ERCC6: variants seen among roughly 807,000 people sequenced by gnomAD.
ERCC6 encodes the protein ERCC excision repair 6, chromatin remodeling factor.
ERCC6 carries 116 observed loss-of-function variants against 158.7 expected under a neutral mutation model. That is an observed-to-expected ratio of 0.73 (90% CI 0.63 to 0.85). ERCC6 has a LOEUF of 0.85. ERCC6 is among the 40% of genes least tolerant of loss of function. ERCC6 has a pLI of 0.00. For synonymous variants in ERCC6, 678 were observed against 659.3 expected, an observed-to-expected ratio of 1.03 and a Z score of -0.43; for missense variants, 1,698 against 1,799.4, an observed-to-expected ratio of 0.94 and a Z score of 1.02.
chr10:49,486,221 G>A (rs1246960879), intron 8 of ERCC6, among the ~76,000 whole-genome samples: 1 of 152,162 alleles, frequency 6.6e-6, no homozygotes, highest in Non-Finnish European at 1.5e-5. Context: ...GCCTCTCTGA[G>A]AGAAAGTCAG....
At chr10:49,467,161 TG>T (rs747193669) in intron 18 of ERCC6, among the ~76,000 whole-genome samples, 7 of 152,228 alleles carry the variant, frequency 4.6e-5, no homozygotes, top group Non-Finnish European at 7.3e-5. Flanking sequence ...TCTACATTTT[TG>T]GCTATTACTA....
At chr10:49,515,135 C>A in intron 5 of ERCC6, 1 of 1,257,544 alleles carries the variant, frequency 8.0e-7, no homozygotes, top group Admixed American at 3.7e-5. Context: ...TCTGAGGTTA[C>A]AATTTTTTGA....
intron 5 of ERCC6, among the ~76,000 whole-genome samples, chr10:49,523,230 T>A (rs1837218310): frequency 6.6e-6 from 1 of 152,172 alleles, no homozygotes; most frequent in Non-Finnish European, 1.5e-5. Flanking sequence ...GAGCTCTAAG[T>A]CAAGGAGACT....
chr10:49,538,113 GCCTAAGTCTTGCAGAGT>G (rs1837645488), intron 1 of ERCC6, among the ~76,000 whole-genome samples: 1 of 152,206 alleles, frequency 6.6e-6, no homozygotes, highest in African/African-American at 2.4e-5. Flanking sequence ...TCCGTTCATG[GCCTAAGTCTTGCAGAGT>G]ATCTTCTAAG....
chr10:49,441,359 C>T, the ERCC6 span, among the ~76,000 whole-genome samples: 10 of 152,304 alleles, frequency 6.6e-5, 1 homozygote, highest in South Asian at 2.1e-3. Context: ...CCGAGGAAAA[C>T]CCTGGCTGCC....
chr10:49,524,037 A>G lies in ERCC6; in HGVS notation c.1393T>C (p.Leu465=). 6.2e-7 allele frequency: 1 copy of G among 1,613,014 alleles called. No individual in the cohort carries two copies. Among genetic ancestry groups the G allele is most frequent in the East Asian group, 2.2e-5 (1 of 44,868 alleles). ...TTATAATCCCCACAGACCGACCTTA[A>G]CCGCTGCTTATAATAATCTTCATCT... is the stretch of plus-strand genomic sequence containing the variant. ...DGDEDYYKQR[L]RRWNKLRLQD... Residue 465 remains leucine (L), a synonymous_variant, in exon 5 of 21, where the codon TTA becomes CTA. Coordinates refer to ENST00000355832, the MANE Select transcript of ERCC6 (RefSeq NM_000124.4).
At chr10:49,538,502 A>T (rs912984470) in intron 1 of ERCC6, among the ~76,000 whole-genome samples, 1 of 152,214 alleles carries the variant, frequency 6.6e-6, no homozygotes, top group African/African-American at 2.4e-5. Flanking sequence ...GACAGCAGTT[A>T]AGACGCTGCG....
At chr10:49,510,945 C>CA (rs1311362249) in intron 5 of ERCC6, among the ~76,000 whole-genome samples, 2 of 145,242 alleles carry the variant, frequency 1.4e-5, no homozygotes, top group Non-Finnish European at 3.0e-5. Flanking sequence ...AGGTTCGCTA[C>CA]AAAAAAATGA....
intron 18 of ERCC6, among the ~76,000 whole-genome samples, chr10:49,462,429 A>G (rs1850599732): frequency 1.3e-5 from 2 of 152,194 alleles, no homozygotes; most frequent in East Asian, 1.9e-4. Flanking sequence ...ATGGCGAATT[A>G]TCATATGATC....
At chr10:49,509,150 T>C (rs1851494467) in intron 5 of ERCC6, among the ~76,000 whole-genome samples, 1 of 152,094 alleles carries the variant, frequency 6.6e-6, no homozygotes, top group Non-Finnish European at 1.5e-5. Context: ...TTTCCTCCAC[T>C]GAGATGGGGA....
chr10:49,501,575 G>C (rs4253114), intron 6 of ERCC6: 1 of 151,960 alleles, frequency 6.6e-6, no homozygotes, highest in Non-Finnish European at 1.5e-5. Context: ...AAAAATTTTC[G>C]GAGAGTGGAA....
intron 5 of ERCC6, among the ~76,000 whole-genome samples, chr10:49,523,657 AC>A (rs1837230481): frequency 6.6e-6 from 1 of 151,852 alleles, no homozygotes; most frequent in African/African-American, 2.4e-5. Context: ...GAAAACAGAA[AC>A]CCCTATCCAG....
intron 20 of ERCC6, 144 bp downstream of exon 20, chr10:49,460,229 C>G (rs538728187): frequency 7.1e-6 from 5 of 701,172 alleles, no homozygotes; most frequent in East Asian, 5.3e-5. Context: ...GAATGTGCAT[C>G]GTAAATCAGA....
At chr10:49,517,325 T>C (rs1319664514) in intron 5 of ERCC6, among the ~76,000 whole-genome samples, 1 of 152,252 alleles carries the variant, frequency 6.6e-6, no homozygotes, top group Non-Finnish European at 1.5e-5. Flanking sequence ...TAAAGTTATA[T>C]GTACCTGTCT....
chr10:49,524,870 T>C (rs1837274906), intron 4 of ERCC6, 93 bp from the exon 5 acceptor site: 1 of 1,554,604 alleles, frequency 6.4e-7, no homozygotes, highest in Non-Finnish European at 8.6e-7. Flanking sequence ...ATTAGGCAGC[T>C]ACAAATAACT....
chr10:49,526,119 A>T (rs1328562718), intron 4 of ERCC6, among the ~76,000 whole-genome samples: 74 of 7,634 alleles, frequency 9.7e-3, no homozygotes, highest in Non-Finnish European at 0.016. Flanking sequence ...ATATATTTTT[A>T]TATATATATA....
intron 19 of ERCC6, among the ~76,000 whole-genome samples, chr10:49,460,675 CTT>C (rs974442714): frequency 6.6e-6 from 1 of 152,144 alleles, no homozygotes; most frequent in African/African-American, 2.4e-5. Context: ...AATCCCAACA[CTT>C]TGGGAGGCTG....
At chr10:49,511,538 C>T (rs1836818245) in intron 5 of ERCC6, among the ~76,000 whole-genome samples, 1 of 151,946 alleles carries the variant, frequency 6.6e-6, no homozygotes, top group African/African-American at 2.4e-5. Context: ...AATCCTTGTG[C>T]CTCAGCCTCC....
intron 2 of ERCC6, among the ~76,000 whole-genome samples, chr10:49,532,036 C>T (rs935988869): frequency 1.5e-4 from 23 of 152,168 alleles, no homozygotes; most frequent in Non-Finnish European, 1.8e-4. Flanking sequence ...ATAAAATCTC[C>T]ATTTCCAGAG....
Sources: allele counts gnomAD v4.1 joint callset (sites outside exome capture counted in the v4.1 genomes callset), GRCh38; gene constraint gnomAD v4.1.1; transcripts MANE v1.5; gene names NCBI Gene and HGNC (gene_info 2026-07-23, HGNC 2026-07-21).